ATP6V1A: variants seen among roughly 807,000 people sequenced by gnomAD.
ATP6V1A encodes the protein ATPase H+ transporting V1 subunit A, also known as V-type proton ATPase catalytic subunit A.
Under a neutral mutation model 70.1 loss-of-function variants are expected in ATP6V1A, and 18 were observed. The observed-to-expected ratio is 0.26, with a 90% CI of 0.18 to 0.38. ATP6V1A has a LOEUF of 0.38. Among genes scored for constraint, ATP6V1A ranks in the 10% least tolerant of loss-of-function variants. The pLI, the probability that ATP6V1A is intolerant of heterozygous loss-of-function variation, is 1.00. For synonymous variants in ATP6V1A, 232 were observed against 253.8 expected, an observed-to-expected ratio of 0.91 and a Z score of 0.82; for missense variants, 424 against 772.4, an observed-to-expected ratio of 0.55 and a Z score of 5.35.
intron 1 of ATP6V1A, among the ~76,000 whole-genome samples, chr3:113,770,290 C>G (rs148286366): frequency 0.012 from 1,798 of 152,250 alleles, 29 homozygotes; most frequent in African/African-American, 0.04. Context: ...CCACAAGTAA[C>G]CTACCTGCCT....
chr3:113,786,661 T>C (rs561622061), intron 6 of ATP6V1A, among the ~76,000 whole-genome samples: 1 of 150,542 alleles, frequency 6.6e-6, no homozygotes, highest in Admixed American at 6.6e-5. Flanking sequence ...CCAAAACATT[T>C]ACTTTTTTCA....
chr3:113,779,090 C>T, intron 2 of ATP6V1A: 1 of 278,244 alleles, frequency 3.6e-6, no homozygotes, highest in East Asian at 6.4e-5. Context: ...AAATGTTCAA[C>T]CAGTGTTCAG....
chr3:113,805,291 A>T, intron 13 of ATP6V1A, 63 bp from the exon 14 acceptor site: 1 of 1,484,104 alleles, frequency 6.7e-7, no homozygotes. Context: ...GTAGTTTTAT[A>T]TAAAGTATGA....
chr3:113,781,272 A>G, intron 3 of ATP6V1A, 94 bp downstream of exon 3: 2 of 1,363,592 alleles, frequency 1.5e-6, no homozygotes, highest in South Asian at 1.5e-5. Context: ...TAATCCCAGC[A>G]CTTTGGGAGG....
chr3:113,798,120 A>T, intron 11 of ATP6V1A, 123 bp from the exon 12 acceptor site: 1 of 1,012,890 alleles, frequency 9.9e-7, no homozygotes, highest in Non-Finnish European at 1.5e-6. Flanking sequence ...GTGACAGAGC[A>T]AGCCTCTGTC....
intron 1 of ATP6V1A, among the ~76,000 whole-genome samples, chr3:113,764,663 T>A (rs1340075172): frequency 2.0e-5 from 3 of 152,228 alleles, no homozygotes; most frequent in East Asian, 3.8e-4. Context: ...TTCTTTGATG[T>A]CTTGTTTTTT....
Position 113,798,248 on chromosome 3 carries a change from C to A in ATP6V1A, c.1296C>A (p.Phe432Leu). The A allele has an allele frequency of 6.2e-7, 1 of 1,613,310 alleles. No individual in the cohort carries two copies. The highest frequency in any genetic ancestry group is 8.5e-7 in the Non-Finnish European group (1 of 1,179,866). Residue 432 changes from phenylalanine (F) to leucine (L), a missense_variant, in exon 12 of 15, where the codon TTC becomes TTA. By Grantham distance (22) the Phe-to-Leu change is conservative (BLOSUM62 0). Coordinates refer to ENST00000273398, the MANE Select transcript of ATP6V1A (RefSeq NM_001690.4). ...TSATLGIVQV[F>L]WGLDKKLAQR... ...TGTGTGTTTTTTTTAATCAGGTGTT[C>A]TGGGGCTTAGATAAGAAACTAGCTC...
intron 12 of ATP6V1A, among the ~76,000 whole-genome samples, chr3:113,799,958 G>A (rs1709191683): frequency 6.6e-6 from 1 of 152,154 alleles, no homozygotes; most frequent in South Asian, 2.1e-4. Context: ...TCAGCCAGGC[G>A]TGGTGGCTCA....
At chr3:113,807,109 A>C (rs9288984) in intron 14 of ATP6V1A, among the ~76,000 whole-genome samples, 56,526 of 151,480 alleles carry the variant, frequency 0.37, 10,643 homozygotes, top group African/African-American at 0.42. Context: ...CCTTGAGATA[A>C]ATAAACAAAG....
intron 1 of ATP6V1A, among the ~76,000 whole-genome samples, chr3:113,773,732 T>G (rs182688917): frequency 7.2e-5 from 11 of 152,352 alleles, no homozygotes; most frequent in Middle Eastern, 3.4e-3. Context: ...CTAGATACTC[T>G]GATGCCTCTT....
intron 1 of ATP6V1A, among the ~76,000 whole-genome samples, chr3:113,770,309 C>G (rs1708820425): frequency 1.3e-5 from 2 of 152,134 alleles, no homozygotes; most frequent in Non-Finnish European, 2.9e-5. Context: ...CTCGGCCTCC[C>G]AAAGTTCTGG....
chr3:113,798,471 A>G, intron 12 of ATP6V1A, 25 bp downstream of exon 12: 1 of 1,611,628 alleles, frequency 6.2e-7, no homozygotes, highest in Non-Finnish European at 8.5e-7. Flanking sequence ...TCCATGGAAG[A>G]TAGATCTGTG....
intron 1 of ATP6V1A, among the ~76,000 whole-genome samples, chr3:113,772,794 T>C (rs1414962715): frequency 6.6e-6 from 1 of 151,814 alleles, no homozygotes; most frequent in Non-Finnish European, 1.5e-5. Context: ...CGTGTTTTCA[T>C]AATTATTATG....
chr3:113,769,989 CCA>C (rs1708816699), intron 1 of ATP6V1A, among the ~76,000 whole-genome samples: 1 of 152,062 alleles, frequency 6.6e-6, no homozygotes, highest in Non-Finnish European at 1.5e-5. Flanking sequence ...TCTGTGTATA[CCA>C]CACTGCTTTC....
intron 2 of ATP6V1A, among the ~76,000 whole-genome samples, chr3:113,779,858 A>T (rs561376248): frequency 3.1e-4 from 47 of 152,288 alleles, no homozygotes; most frequent in African/African-American, 7.5e-4. Context: ...TATTTTAAAA[A>T]TTTTTTTAAA....
chr3:113,759,232 T>C (rs1257167915), intron 1 of ATP6V1A, among the ~76,000 whole-genome samples: 1 of 151,840 alleles, frequency 6.6e-6, no homozygotes, highest in Non-Finnish European at 1.5e-5. Flanking sequence ...TTTATAGTTT[T>C]AGGTTTTACA....
At chr3:113,765,845 T>C (rs150552826) in intron 1 of ATP6V1A, among the ~76,000 whole-genome samples, 15 of 151,486 alleles carry the variant, frequency 9.9e-5, no homozygotes, top group African/African-American at 3.6e-4. Context: ...GAGAATCGCA[T>C]GAACCCAGGA....
chr3:113,766,451 C>T (rs555619122), intron 1 of ATP6V1A, among the ~76,000 whole-genome samples: 29 of 152,116 alleles, frequency 1.9e-4, no homozygotes, highest in Non-Finnish European at 3.4e-4. Flanking sequence ...CACACCACCA[C>T]GCCCAGCTAA....
chr3:113,781,025 C>G (rs768163318), intron 2 of ATP6V1A, 25 bp from the exon 3 acceptor site: 3 of 1,579,164 alleles, frequency 1.9e-6, no homozygotes, highest in Non-Finnish European at 2.6e-6. Flanking sequence ...CTTAAGTCAT[C>G]AAAATAGTCT....
Sources: gnomAD v4.1 joint callset for allele counts (sites outside exome capture counted in the v4.1 genomes callset) on GRCh38, gnomAD v4.1.1 for gene constraint, MANE v1.5 for transcripts, NCBI Gene and HGNC (gene_info 2026-07-23, HGNC 2026-07-21) for gene names.